LCORL: variants seen among roughly 807,000 people sequenced by gnomAD.
LCORL encodes the protein ligand dependent nuclear receptor corepressor like, also known as ligand-dependent nuclear receptor corepressor-like protein.
LCORL carries 41 observed loss-of-function variants against 141.8 expected under a neutral mutation model. That is an observed-to-expected ratio of 0.29 (90% CI 0.23 to 0.38). The LOEUF (loss-of-function observed/expected upper bound fraction) is 0.38, where lower values mean the gene tolerates loss of function less well. Among genes scored for constraint, LCORL ranks in the 10% least tolerant of loss-of-function variants. LCORL has a pLI of 1.00. For missense variants in LCORL, 1,759 were observed against 2,035.0 expected (o/e 0.86, Z 2.61); for synonymous variants, 618 against 694.1 (o/e 0.89, Z 1.72).
intron 7 of LCORL, among the ~76,000 whole-genome samples, chr4:17,860,074 T>C (rs1724824331): frequency 1.3e-5 from 2 of 152,180 alleles, no homozygotes; most frequent in Admixed American, 1.3e-4. Flanking sequence ...GCCAAAAGAA[T>C]TTTAGAGATT....
At chr4:17,881,405 C>G (rs1055172929) in intron 6 of LCORL, 7 of 960,808 alleles carry the variant, frequency 7.3e-6, no homozygotes, top group Non-Finnish European at 7.4e-6. Flanking sequence ...AATGTTAACT[C>G]AATAATAGAA....
intron 1 of LCORL, among the ~76,000 whole-genome samples, chr4:18,001,443 T>C (rs1721944919): frequency 6.6e-6 from 1 of 152,184 alleles, no homozygotes. Flanking sequence ...TTCTAAGCCA[T>C]ATTATAAATT....
chr4:17,937,775 G>C (rs1157430364), intron 4 of LCORL, among the ~76,000 whole-genome samples: 1 of 152,020 alleles, frequency 6.6e-6, no homozygotes, highest in Non-Finnish European at 1.5e-5. Context: ...GATAAGCCTA[G>C]CTGTATATTT....
rs190487734 is a variant in LCORL, at chr4:17,953,970, T to C, written c.430+7933A>G. ...CGAGGTCAGGAGATCGAGACCATCCTGCATAACACGGTGAAACCCCGTCTC... is the reference window on the plus strand; with the variant it reads ...CGAGGTCAGGAGATCGAGACCATCCCGCATAACACGGTGAAACCCCGTCTC... On this transcript the variant is annotated intron_variant, in intron 4 of 7. Transcript: ENST00000635767. Among the ~76,000 whole-genome samples the C allele has an allele frequency of 6.4e-4, 97 of 152,176 alleles. 1 individual carries two copies. The highest frequency in any genetic ancestry group is 2.2e-3 in the African/African-American group (90 of 41,518).
chr4:17,901,737 A>G (rs1002018078), intron 5 of LCORL, among the ~76,000 whole-genome samples: 4 of 152,154 alleles, frequency 2.6e-5, no homozygotes, highest in African/African-American at 9.6e-5. Flanking sequence ...GTAAGCAAAG[A>G]AAGAAAAGTG....
chr4:17,970,436 A>G (rs1301712613), intron 2 of LCORL, among the ~76,000 whole-genome samples: 5 of 152,218 alleles, frequency 3.3e-5, no homozygotes, highest in Admixed American at 2.0e-4. Flanking sequence ...AGAGAAGGCT[A>G]TAATAAATAA....
At chr4:17,968,354 T>G (rs1363671680) in intron 2 of LCORL, among the ~76,000 whole-genome samples, 1 of 152,202 alleles carries the variant, frequency 6.6e-6, no homozygotes, top group African/African-American at 2.4e-5. Context: ...CAATTCATAT[T>G]AGAAAACTAC....
chr4:17,858,887 GAT>G (rs1389578717), intron 7 of LCORL, among the ~76,000 whole-genome samples: 2 of 152,136 alleles, frequency 1.3e-5, no homozygotes, highest in African/African-American at 4.8e-5. Context: ...GATAACCAGT[GAT>G]AAAGAGAAAA....
intron 5 of LCORL, among the ~76,000 whole-genome samples, chr4:17,887,944 C>T (rs1357703909): frequency 6.6e-6 from 1 of 151,990 alleles, no homozygotes; most frequent in Non-Finnish European, 1.5e-5. Flanking sequence ...TAATTCTCAC[C>T]AAATCTAACT....
intron 1 of LCORL, among the ~76,000 whole-genome samples, chr4:18,010,713 A>G (rs566967063): frequency 6.6e-6 from 1 of 152,148 alleles, no homozygotes; most frequent in Non-Finnish European, 1.5e-5. Context: ...CAGCTTCCCA[A>G]AGCGCTGGGA....
At chr4:17,914,346 A>G (rs1368402830) in intron 4 of LCORL, among the ~76,000 whole-genome samples, 1 of 152,224 alleles carries the variant, frequency 6.6e-6, no homozygotes, top group African/African-American at 2.4e-5. Context: ...TCAATTCAAT[A>G]TGATTATATC....
Position 18,019,263 on chromosome 4 carries a change from C to T in LCORL, c.154+2335G>A, listed in dbSNP as rs533735344. 2.0e-5 allele frequency among the ~76,000 whole-genome samples: 3 copies of T among 152,308 alleles called. No homozygotes were observed. In the South Asian group the frequency reaches 6.2e-4, roughly 32 times the overall value. On this transcript the variant is annotated intron_variant, in intron 1 of 7. Coordinates refer to ENST00000635767, the Ensembl canonical transcript of LCORL. Reference sequence around the variant, plus strand: ...CTCAGGCAGGAGAATCGCTTGAATCCAGGAGGCGGAGGTTGCAGTGAGCTG... The same window carrying T: ...CTCAGGCAGGAGAATCGCTTGAATCTAGGAGGCGGAGGTTGCAGTGAGCTG...
At chr4:17,980,966 A>T (rs1174516030) in intron 1 of LCORL, among the ~76,000 whole-genome samples, 1 of 152,222 alleles carries the variant, frequency 6.6e-6, no homozygotes, top group Non-Finnish European at 1.5e-5. Context: ...TGTCTTTCAC[A>T]AAACTGGTCC....
intron 4 of LCORL, chr4:17,911,790 C>T (rs1443277702): frequency 1.1e-5 from 5 of 454,198 alleles, no homozygotes; most frequent in Admixed American, 2.8e-5. Context: ...ATGCAGGTGC[C>T]GGGAGCTCTG....
At chr4:17,908,981 A>G (rs1214769258) in intron 5 of LCORL, 113 bp downstream of exon 5, 21 of 970,108 alleles carry the variant, frequency 2.2e-5, no homozygotes, top group Non-Finnish European at 2.6e-5. Flanking sequence ...TAAGCAAATT[A>G]AAAGTCATAT....
chr4:17,899,978 C>A (rs1369841776), intron 5 of LCORL, among the ~76,000 whole-genome samples: 2 of 152,028 alleles, frequency 1.3e-5, no homozygotes, highest in Non-Finnish European at 1.5e-5. Flanking sequence ...AGATAAAAAT[C>A]CAAAATCTGA....
chr4:17,938,227 G>A lies in LCORL; in HGVS notation c.430+23676C>T, dbSNP rs539814886. Among the ~76,000 whole-genome samples the A allele has an allele frequency of 2.1e-3, 324 of 151,188 alleles. 2 individuals carry two copies. Among genetic ancestry groups the A allele is most frequent in the Non-Finnish European group, 3.4e-3 (233 of 67,798 alleles). ...TCTCCATGTTGGTCAGGCTGGTCTC[G>A]AACTCCCAACCTCAGGTGATCCTCC... On this transcript the variant is annotated intron_variant, in intron 4 of 7. Transcript: ENST00000635767.
intron 4 of LCORL, among the ~76,000 whole-genome samples, chr4:17,920,783 T>A (rs967781199): frequency 6.6e-6 from 1 of 152,238 alleles, no homozygotes; most frequent in African/African-American, 2.4e-5. Context: ...TCTCTGCTCA[T>A]CCATAAAAAG....
chr4:17,941,814 G>A (rs1738015775), intron 4 of LCORL, among the ~76,000 whole-genome samples: 1 of 151,648 alleles, frequency 6.6e-6, no homozygotes, highest in African/African-American at 2.4e-5. Context: ...AATTTGACCA[G>A]AGATTATTTG....
Sources: allele counts gnomAD v4.1 joint callset (sites outside exome capture counted in the v4.1 genomes callset), GRCh38; gene constraint gnomAD v4.1.1; transcripts MANE v1.5; gene names NCBI Gene and HGNC (gene_info 2026-07-23, HGNC 2026-07-21).